The following CASP9 variants were observed in gnomAD, a reference collection of about 807,000 sequenced individuals.
The protein encoded by CASP9 is caspase-9.
Under a neutral mutation model 43.5 loss-of-function variants are expected in CASP9, and 29 were observed. That is an observed-to-expected ratio of 0.67 (90% CI 0.50 to 0.91). The LOEUF is 0.91. Ranked by LOEUF, CASP9 falls within the 40% of genes least tolerant of loss-of-function variation. The probability of loss-of-function intolerance (pLI) is 0.00; values close to 1 mark genes in which losing one functional copy is unlikely to be tolerated. For missense variants in CASP9, 575 were observed against 537.4 expected (o/e 1.07, Z -0.69); for synonymous variants, 206 against 211.9 (o/e 0.97, Z 0.24).
At chr1:15,501,659 G>A (rs1182384589) in intron 6 of CASP9, among the ~76,000 whole-genome samples, 1 of 152,216 alleles carries the variant, frequency 6.6e-6, no homozygotes, top group Admixed American at 6.5e-5. Flanking sequence ...CGACTCCAAA[G>A]GGATATCTTA....
At chr1:15,497,259 C>G (rs1709135575) in intron 6 of CASP9, among the ~76,000 whole-genome samples, 1 of 145,540 alleles carries the variant, frequency 6.9e-6, no homozygotes, top group South Asian at 2.2e-4. Flanking sequence ...TGCAGTGAGT[C>G]AAGATCGTGC....
At chr1:15,516,377 G>A (rs907442335) in intron 2 of CASP9, among the ~76,000 whole-genome samples, 2 of 150,998 alleles carry the variant, frequency 1.3e-5, no homozygotes, top group East Asian at 1.9e-4. Flanking sequence ...AGCTACCTGG[G>A]AGGCTGAGTG....
At chr1:15,520,814 G>A (rs1203317198) in intron 1 of CASP9, among the ~76,000 whole-genome samples, 3 of 151,866 alleles carry the variant, frequency 2.0e-5, no homozygotes, top group South Asian at 2.1e-4. Flanking sequence ...TTAGCTGGGC[G>A]TGGTAGTGCG....
At chr1:15,513,202 C>T (rs1709828881) in intron 2 of CASP9, among the ~76,000 whole-genome samples, 1 of 151,048 alleles carries the variant, frequency 6.6e-6, no homozygotes, top group Non-Finnish European at 1.5e-5. Flanking sequence ...TCTTTCTTGT[C>T]TGTGTATATG....
chr1:15,512,668 GAT>G (rs909570133), intron 2 of CASP9, among the ~76,000 whole-genome samples: 3 of 151,366 alleles, frequency 2.0e-5, no homozygotes, highest in Non-Finnish European at 4.4e-5. Flanking sequence ...TTTAGATAAA[GAT>G]ATATATATAT....
At chr1:15,507,651 C>T (rs1709577565) in intron 3 of CASP9, 2 of 575,396 alleles carry the variant, frequency 3.5e-6, no homozygotes, top group Non-Finnish European at 6.2e-6. Flanking sequence ...ATCAGGTCTG[C>T]CCTGCTTCTG....
At position 15,492,392 on chromosome 1, in the gene CASP9, G is replaced by T. The variant is rs1708924994; in HGVS notation, c.*551C>A. 5 of 152,376 alleles carry T rather than the reference G, an allele frequency of 3.3e-5. No individual in the cohort carries two copies. The highest frequency in any genetic ancestry group is 2.6e-4 in the Admixed American group (4 of 15,278). The allele number at this position is 152,376 out of a possible 1,614,324, so 9.4% of individuals were successfully genotyped here. On this transcript the variant is annotated 3_prime_UTR_variant, in exon 9 of 9. Transcript: ENST00000333868. Reference sequence around the variant, plus strand: ...GCTGTTCAGACTCTAGTAGGCCCCGGTTTGCTGATCTATGAGCGATACTGG... The same window carrying T: ...GCTGTTCAGACTCTAGTAGGCCCCGTTTTGCTGATCTATGAGCGATACTGG...
In CASP9 at chr1:15,491,904, C is replaced by T. The variant is rs1310997946; in HGVS notation, c.*1039G>A. The T allele has an allele frequency of 1.3e-5, 2 of 153,344 alleles. No homozygotes were observed. Among genetic ancestry groups the T allele is most frequent in the Admixed American group, 1.3e-4 (2 of 15,476 alleles). 9.5% of individuals were successfully genotyped at this position (153,344 alleles called of 1,614,324 possible). On this transcript the variant is annotated 3_prime_UTR_variant, in exon 9 of 9. Coordinates refer to ENST00000333868, the MANE Select transcript of CASP9 (RefSeq NM_001229.5). ...TCCGGGGGTGCTTCAGCAAGTAAGG[C>T]ACATGGGAAGCATGGCTAGGACTCA...
At chr1:15,501,510 T>C (rs913183766) in intron 6 of CASP9, among the ~76,000 whole-genome samples, 3 of 152,206 alleles carry the variant, frequency 2.0e-5, no homozygotes, top group Non-Finnish European at 4.4e-5. Flanking sequence ...GGTGTTCTGA[T>C]GCATGTAAAC....
chr1:15,492,821 A>T lies in CASP9; in HGVS notation c.*122T>A. On this transcript the variant is annotated 3_prime_UTR_variant, in exon 9 of 9. Coordinates refer to ENST00000333868, the MANE Select transcript of CASP9 (RefSeq NM_001229.5). ...GCCTGTCTGTCACTGGCAGAGAAAG[A>T]GCAGACCCTGTGCCGGCTGCAAAGT... is the stretch of plus-strand genomic sequence containing the variant. 1 of 1,360,406 alleles carries T rather than the reference A, an allele frequency of 7.4e-7. No individual in the cohort carries two copies. Among genetic ancestry groups the T allele is most frequent in the Non-Finnish European group, 1.0e-6 (1 of 999,332 alleles). 84.3% of individuals were successfully genotyped at this position (1,360,406 alleles called of 1,614,324 possible).
intron 1 of CASP9, 26 bp downstream of exon 1, chr1:15,524,043 G>C: frequency 7.0e-7 from 1 of 1,418,766 alleles, no homozygotes; most frequent in Non-Finnish European, 9.2e-7. Flanking sequence ...GCCGTGCAGC[G>C]CGGGGACAGG....
intron 2 of CASP9, 91 bp from the exon 3 acceptor site, chr1:15,507,998 A>G: frequency 7.7e-7 from 1 of 1,299,188 alleles, no homozygotes; most frequent in Admixed American, 1.8e-5. Context: ...CCAAGAACGG[A>G]GCAGCGAGAA....
intron 6 of CASP9, among the ~76,000 whole-genome samples, chr1:15,497,659 G>T (rs34094056): frequency 0.28 from 39,659 of 143,110 alleles, 5,835 homozygotes; most frequent in African/African-American, 0.41. Flanking sequence ...AAAAAAAAAA[G>T]ATATAAATAA....
intron 2 of CASP9, among the ~76,000 whole-genome samples, chr1:15,513,115 C>G (rs1296349279): frequency 1.3e-5 from 2 of 149,718 alleles, no homozygotes; most frequent in African/African-American, 4.9e-5. Context: ...GTGCGGAGAT[C>G]GCGCCACTGC....
chr1:15,516,201 TA>T (rs776370188), intron 2 of CASP9, among the ~76,000 whole-genome samples: 17,167 of 127,134 alleles, frequency 0.14, 1,057 homozygotes, highest in Middle Eastern at 0.2. Flanking sequence ...GACTCCCTCT[TA>T]AAAAAAAAAA....
chr1:15,524,232 T>G, upstream of CASP9: 1 of 1,528,340 alleles, frequency 6.5e-7, no homozygotes, highest in South Asian at 1.2e-5. Context: ...CCAGGCCGCC[T>G]CAGTCCGCTT....
chr1:15,493,292 G>A (rs1318954998), intron 8 of CASP9: 14 of 1,348,744 alleles, frequency 1.0e-5, no homozygotes, highest in Non-Finnish European at 1.3e-5. Context: ...CCCCAGCCTC[G>A]CAGCCCCTTC....
At chr1:15,517,631 A>G (rs1710001386) in intron 2 of CASP9, among the ~76,000 whole-genome samples, 1 of 152,192 alleles carries the variant, frequency 6.6e-6, no homozygotes. Context: ...TTCTCCATCA[A>G]CAAGGATGGG....
chr1:15,492,849 T>C lies in CASP9; in HGVS notation c.*94A>G. On this transcript the variant is annotated 3_prime_UTR_variant, in exon 9 of 9. Coordinates refer to ENST00000333868, the MANE Select transcript of CASP9 (RefSeq NM_001229.5). ...AGACCCTGTGCCGGCTGCAAAGTCCTTGAGTTGCAGGAAAGTCCAGGCCTC... is the reference window on the plus strand; with the variant it reads ...AGACCCTGTGCCGGCTGCAAAGTCCCTGAGTTGCAGGAAAGTCCAGGCCTC... 1 of 1,535,940 alleles carries C rather than the reference T, an allele frequency of 6.5e-7. No homozygotes were observed. Among genetic ancestry groups the C allele is most frequent in the East Asian group, 2.2e-5 (1 of 44,532 alleles).
Sources: gnomAD v4.1 joint callset for allele counts (sites outside exome capture counted in the v4.1 genomes callset) on GRCh38, gnomAD v4.1.1 for gene constraint, MANE v1.5 for transcripts, NCBI Gene and HGNC (gene_info 2026-07-23, HGNC 2026-07-21) for gene names.